Variants in CATSPERE observed in about 807,000 individuals in gnomAD.
The protein encoded by CATSPERE is cation channel sperm-associated auxiliary subunit epsilon.
In CATSPERE, 93 loss-of-function variants were observed where a neutral mutation model predicts 114.1. That is an observed-to-expected ratio of 0.81 (90% CI 0.69 to 0.97). CATSPERE has a LOEUF of 0.97. Among genes scored for constraint, CATSPERE ranks in the 50% least tolerant of loss-of-function variants. CATSPERE has a pLI of 0.00. For missense variants in CATSPERE, 1,058 were observed against 1,131.6 expected, an observed-to-expected ratio of 0.93 and a Z score of 0.93; for synonymous variants, 341 against 384.1, an observed-to-expected ratio of 0.89 and a Z score of 1.31.
chr1:244,485,693 G>GT (rs200520202), intron 5 of CATSPERE, among the ~76,000 whole-genome samples: 262 of 91,802 alleles, frequency 2.9e-3, no homozygotes, highest in East Asian at 7.4e-3. Flanking sequence ...TCTAAATTTT[G>GT]TTTTTTTTGT....
chr1:244,506,133 A>T (rs1353375079), intron 7 of CATSPERE, among the ~76,000 whole-genome samples: 1 of 152,238 alleles, frequency 6.6e-6, no homozygotes, highest in African/African-American at 2.4e-5. Context: ...AAATGGAATC[A>T]TACAATATTT....
chr1:244,461,571 C>T (rs1390705931), intron 1 of CATSPERE, 77 bp downstream of exon 1: 1 of 1,177,906 alleles, frequency 8.5e-7, no homozygotes, highest in East Asian at 3.2e-5. Context: ...GTCCTGCTCT[C>T]CACCCCATGC....
intron 2 of CATSPERE, among the ~76,000 whole-genome samples, chr1:244,464,938 A>T (rs1392537498): frequency 6.8e-6 from 1 of 147,826 alleles, no homozygotes; most frequent in Non-Finnish European, 1.5e-5. Context: ...GTTTCTGTTA[A>T]CTTTGTTCAT....
At chr1:244,554,899 C>A (rs372647240) in intron 9 of CATSPERE, among the ~76,000 whole-genome samples, 2 of 152,196 alleles carry the variant, frequency 1.3e-5, no homozygotes, top group South Asian at 4.1e-4. Context: ...AAAATTCTAG[C>A]AAACTGAATC....
chr1:244,481,643 A>T (rs1670278467), intron 5 of CATSPERE, among the ~76,000 whole-genome samples: 1 of 152,108 alleles, frequency 6.6e-6, no homozygotes, highest in Non-Finnish European at 1.5e-5. Context: ...CCAAATTTTT[A>T]TGCTGAAACC....
At chr1:244,627,952 A>G (rs1206438936) in intron 20 of CATSPERE, among the ~76,000 whole-genome samples, 21 of 152,206 alleles carry the variant, frequency 1.4e-4, no homozygotes, top group Admixed American at 1.4e-3. Context: ...CTCTTTGTCT[A>G]GTGTATCAGT....
intron 5 of CATSPERE, among the ~76,000 whole-genome samples, chr1:244,484,278 G>C (rs1322581544): frequency 6.6e-6 from 1 of 152,072 alleles, no homozygotes; most frequent in East Asian, 1.9e-4. Flanking sequence ...TACATTCAAT[G>C]CAATCCCAAT....
chr1:244,529,803 C>G (rs2148413318), intron 8 of CATSPERE, among the ~76,000 whole-genome samples: 1 of 152,202 alleles, frequency 6.6e-6, no homozygotes, highest in South Asian at 2.1e-4. Flanking sequence ...CTCCAATGTT[C>G]TGGAGAGTTT....
At chr1:244,528,785 CCACACACACACACACACACA>C (rs56746061) in intron 8 of CATSPERE, among the ~76,000 whole-genome samples, 24 of 130,536 alleles carry the variant, frequency 1.8e-4, no homozygotes, top group Admixed American at 8.6e-4. Flanking sequence ...CAATCCCCCA[CCACACACACACACACACACA>C]CACACACACA....
intron 2 of CATSPERE, among the ~76,000 whole-genome samples, chr1:244,476,914 A>T (rs1036730133): frequency 6.6e-6 from 1 of 152,218 alleles, no homozygotes; most frequent in Non-Finnish European, 1.5e-5. Context: ...GCGAAGGATC[A>T]TTTCTCATTC....
chr1:244,543,072 CAAAAT>C (rs374410838), intron 8 of CATSPERE, among the ~76,000 whole-genome samples: 17 of 152,150 alleles, frequency 1.1e-4, no homozygotes, highest in African/African-American at 4.1e-4. Context: ...TCAAAAAACT[CAAAAT>C]AGAATTACCA....
chr1:244,517,689 C>T (rs1676866802), intron 7 of CATSPERE, among the ~76,000 whole-genome samples: 1 of 151,510 alleles, frequency 6.6e-6, no homozygotes. Flanking sequence ...AGGAGAATCG[C>T]TTGAACCCAG....
At chr1:244,562,094 G>A (rs572283502) in intron 10 of CATSPERE, among the ~76,000 whole-genome samples, 4 of 141,138 alleles carry the variant, frequency 2.8e-5, no homozygotes, top group African/African-American at 1.1e-4. Context: ...CAAGGCTGCA[G>A]TGAGCCATGT....
intron 8 of CATSPERE, among the ~76,000 whole-genome samples, chr1:244,520,338 G>T (rs1677316980): frequency 6.6e-6 from 1 of 152,014 alleles, no homozygotes; most frequent in African/African-American, 2.4e-5. Flanking sequence ...GGTCCAAATG[G>T]ATTCTTTTCT....
chr1:244,508,593 G>T (rs552316376), intron 7 of CATSPERE, among the ~76,000 whole-genome samples: 1 of 151,474 alleles, frequency 6.6e-6, no homozygotes, highest in Middle Eastern at 3.2e-3. Context: ...GAGCCACTGC[G>T]CCTGGCCAGA....
At chr1:244,618,543 G>A (rs755056350) in intron 20 of CATSPERE, among the ~76,000 whole-genome samples, 35 of 152,222 alleles carry the variant, frequency 2.3e-4, no homozygotes, top group Non-Finnish European at 4.7e-4. Flanking sequence ...CACTTTGAGA[G>A]GTCAAGGCGG....
intron 8 of CATSPERE, among the ~76,000 whole-genome samples, chr1:244,551,619 C>T (rs991309902): frequency 1.3e-5 from 2 of 152,100 alleles, no homozygotes; most frequent in East Asian, 3.9e-4. Context: ...ATGAGAGATA[C>T]ATCTTCATCT....
At chr1:244,631,555 A>G (rs1673945517) in intron 20 of CATSPERE, among the ~76,000 whole-genome samples, 1 of 152,220 alleles carries the variant, frequency 6.6e-6, no homozygotes, top group South Asian at 2.1e-4. Flanking sequence ...CAAAAGATAG[A>G]TCCAATAAAT....
intron 1 of CATSPERE, among the ~76,000 whole-genome samples, chr1:244,461,854 C>A (rs1468683146): frequency 1.3e-5 from 2 of 152,168 alleles, no homozygotes; most frequent in Non-Finnish European, 2.9e-5. Context: ...TGCTCCGTTG[C>A]CCAGGCTGCA....
Sources: gnomAD v4.1 joint callset for allele counts (sites outside exome capture counted in the v4.1 genomes callset) on GRCh38, gnomAD v4.1.1 for gene constraint, MANE v1.5 for transcripts, NCBI Gene and HGNC (gene_info 2026-07-23, HGNC 2026-07-21) for gene names.